The following AK8 variants were observed in gnomAD, a reference collection of about 807,000 sequenced individuals.
The protein encoded by AK8 is adenylate kinase 8, also known as ATP-AMP transphosphorylase 8.
A neutral mutation model predicts 54.6 loss-of-function variants in AK8; 44 were observed. The ratio of observed to expected loss-of-function variants is 0.81; its 90% CI spans 0.63 to 1.04. The LOEUF (loss-of-function observed/expected upper bound fraction) is 1.04. Among genes scored for constraint, AK8 ranks in the 50% least tolerant of loss-of-function variants. The pLI, the probability that AK8 is intolerant of heterozygous loss-of-function variation, is 0.00. For synonymous variants in AK8, 239 were observed against 245.6 expected (o/e 0.97, Z 0.25); for missense variants, 555 against 613.6 (o/e 0.90, Z 1.01).
At chr9:132,767,623 G>T (rs1226990626) in intron 11 of AK8, among the ~76,000 whole-genome samples, 1 of 152,160 alleles carries the variant, frequency 6.6e-6, no homozygotes, top group Non-Finnish European at 1.5e-5. Flanking sequence ...CAAAAAGAAA[G>T]AAACTTAGTA....
chr9:132,753,355 G>A (rs553104282), intron 11 of AK8, among the ~76,000 whole-genome samples: 9 of 152,380 alleles, frequency 5.9e-5, no homozygotes, highest in African/African-American at 1.9e-4. Flanking sequence ...AGGCAGCCCT[G>A]ACCCTCTGCC....
chr9:132,878,165 C>T lies in AK8; in HGVS notation c.84+7G>A, dbSNP rs1844231594. 2 of 1,512,082 alleles carry T rather than the reference C, an allele frequency of 1.3e-6. No homozygotes were observed. Among genetic ancestry groups the T allele is most frequent in the South Asian group, 1.3e-5 (1 of 76,386 alleles). The allele number at this position is 1,512,082 out of a possible 1,614,324, so 93.7% of individuals were successfully genotyped here. On this transcript the variant is annotated splice_region_variant and intron_variant, in intron 1 of 12. Coordinates refer to ENST00000298545, the MANE Select transcript of AK8 (RefSeq NM_152572.3). This position sits in a 1 kb window ranked among gnomAD's most constrained non-coding sequence, Gnocchi z 4.7. ...CAGCGTCGCGACGGGCAGGGGTGTCCGGTCACCTGCATCAACTCGAAGATG... is the reference window on the plus strand; with the variant it reads ...CAGCGTCGCGACGGGCAGGGGTGTCTGGTCACCTGCATCAACTCGAAGATG...
chr9:132,765,829 T>G (rs1016965414), intron 11 of AK8, among the ~76,000 whole-genome samples: 1 of 152,200 alleles, frequency 6.6e-6, no homozygotes, highest in Non-Finnish European at 1.5e-5. Flanking sequence ...TTACTGTAAG[T>G]CCTTGCCAGA....
chr9:132,730,662 A>G (rs432833), intron 11 of AK8, among the ~76,000 whole-genome samples: 125,039 of 151,924 alleles, frequency 0.82, 51,624 homozygotes, highest in Admixed American at 0.88. Flanking sequence ...GGTCACTGGA[A>G]TCCACTGCCT....
At chr9:132,726,483 G>T (rs1357241504) in intron 12 of AK8, among the ~76,000 whole-genome samples, 1 of 152,154 alleles carries the variant, frequency 6.6e-6, no homozygotes, top group Non-Finnish European at 1.5e-5. Flanking sequence ...GGCCAAGCTG[G>T]TCTCAAACTC....
At chr9:132,755,352 C>T (rs1359874708) in intron 11 of AK8, among the ~76,000 whole-genome samples, 4 of 152,304 alleles carry the variant, frequency 2.6e-5, no homozygotes, top group Middle Eastern at 3.4e-3. Context: ...GAGAGTGCTG[C>T]CAGCCGAGCA....
intron 10 of AK8, among the ~76,000 whole-genome samples, chr9:132,804,829 G>A (rs532820541): frequency 6.6e-6 from 1 of 152,188 alleles, no homozygotes; most frequent in East Asian, 1.9e-4. Context: ...CCACCTCCCT[G>A]ATCATAAGTG....
Position 132,846,891 on chromosome 9 carries a change from G to A in AK8, c.402+7966C>T, listed in dbSNP as rs79587269. Among the ~76,000 whole-genome samples the A allele has an allele frequency of 5.4e-3, 823 of 152,338 alleles. 1 individual carries two copies. Among genetic ancestry groups the A allele is most frequent in the Non-Finnish European group, 9.1e-3 (622 of 68,022 alleles). Reference sequence around the variant, plus strand: ...ACATGGGCACAATAATAGTAACACTGGCCATGTAGGGTCCCGTGAAGCTGG... The same window carrying A: ...ACATGGGCACAATAATAGTAACACTAGCCATGTAGGGTCCCGTGAAGCTGG... On this transcript the variant is annotated intron_variant, in intron 5 of 12. Coordinates refer to ENST00000298545, the MANE Select transcript of AK8 (RefSeq NM_152572.3).
intron 10 of AK8, among the ~76,000 whole-genome samples, chr9:132,806,208 A>G: frequency 6.6e-6 from 1 of 152,106 alleles, no homozygotes; most frequent in East Asian, 1.9e-4. Flanking sequence ...CTTGTGAAAA[A>G]TTAAACTCGA....
At chr9:132,819,656 A>T (rs1460604794) in intron 9 of AK8, among the ~76,000 whole-genome samples, 1 of 152,232 alleles carries the variant, frequency 6.6e-6, no homozygotes. Flanking sequence ...TTGATTAAAA[A>T]TTTCAAACAT....
chr9:132,743,150 C>A (rs559316717), intron 11 of AK8, among the ~76,000 whole-genome samples: 2 of 152,362 alleles, frequency 1.3e-5, no homozygotes, highest in African/African-American at 4.8e-5. Context: ...TCTTTCTCCA[C>A]CTGCAACAGA....
chr9:132,819,927 G>A (rs764147267), intron 9 of AK8, among the ~76,000 whole-genome samples: 2 of 152,072 alleles, frequency 1.3e-5, no homozygotes, highest in African/African-American at 2.4e-5. Context: ...CAGAGGCTGA[G>A]GTGGGAGGAT....
At chr9:132,777,325 C>T (rs562103637) in intron 11 of AK8, among the ~76,000 whole-genome samples, 123 of 152,236 alleles carry the variant, frequency 8.1e-4, no homozygotes, top group Non-Finnish European at 4.1e-4. Flanking sequence ...CCATTGAATC[C>T]TCTCACCTGA....
intron 11 of AK8, among the ~76,000 whole-genome samples, chr9:132,762,668 C>A (rs1838535548): frequency 6.6e-6 from 1 of 152,100 alleles, no homozygotes; most frequent in Non-Finnish European, 1.5e-5. Context: ...CTTTGGGAGG[C>A]TGAGGCGGGC....
intron 11 of AK8, among the ~76,000 whole-genome samples, chr9:132,731,471 C>A (rs1836842788): frequency 6.6e-6 from 1 of 152,072 alleles, no homozygotes. Flanking sequence ...GTTGGCACAC[C>A]CTGTGTAATC....
intron 9 of AK8, among the ~76,000 whole-genome samples, chr9:132,820,623 C>CTT (rs1453768461): frequency 6.6e-6 from 1 of 152,232 alleles, no homozygotes; most frequent in Non-Finnish European, 1.5e-5. Flanking sequence ...GCAGTTAGTG[C>CTT]TTTAACCAAC....
intron 10 of AK8, among the ~76,000 whole-genome samples, chr9:132,810,579 G>A (rs1345524764): frequency 6.6e-6 from 1 of 152,116 alleles, no homozygotes; most frequent in Non-Finnish European, 1.5e-5. Context: ...TCAGCAAAAT[G>A]GTGCCCATAT....
At chr9:132,789,597 C>CAAAAAAAAAAAAAAAAAAAAAAAAAAA (rs578003731) in intron 11 of AK8, among the ~76,000 whole-genome samples, 1 of 57,548 alleles carries the variant, frequency 1.7e-5, no homozygotes, top group Non-Finnish European at 3.1e-5. Flanking sequence ...ACTCATCTCA[C>CAAAAAAAAAAAAAAAAAAAAAAAAAAA]AAAAAAAAAA....
intron 11 of AK8, among the ~76,000 whole-genome samples, chr9:132,786,431 A>G (rs944215760): frequency 1.3e-5 from 2 of 152,210 alleles, no homozygotes; most frequent in African/African-American, 4.8e-5. Context: ...GCAGTATGTG[A>G]GACCCCTCCC....
Sources: gnomAD v4.1 joint callset for allele counts (sites outside exome capture counted in the v4.1 genomes callset) on GRCh38, gnomAD v4.1.1 for gene constraint, Gnocchi (gnomAD v3.1) non-coding constraint, MANE v1.5 for transcripts, NCBI Gene and HGNC (gene_info 2026-07-23, HGNC 2026-07-21) for gene names.